ARHGAP42: variants seen among roughly 807,000 people sequenced by gnomAD.
The protein encoded by ARHGAP42 is rho GTPase-activating protein 42.
In ARHGAP42, 63 loss-of-function variants were observed where a neutral mutation model predicts 125.0. The observed-to-expected ratio is 0.50, with a 90% CI of 0.41 to 0.62. The LOEUF (loss-of-function observed/expected upper bound fraction) is 0.62. Among genes scored for constraint, ARHGAP42 ranks in the 20% least tolerant of loss-of-function variants. ARHGAP42 has a pLI of 0.00. For missense variants in ARHGAP42, 766 were observed against 1,024.2 expected, an observed-to-expected ratio of 0.75 and a Z score of 3.44; for synonymous variants, 339 against 351.0, an observed-to-expected ratio of 0.97 and a Z score of 0.38.
chr11:100,789,202 T>C (rs1014604071), intron 2 of ARHGAP42, among the ~76,000 whole-genome samples: 1 of 152,278 alleles, frequency 6.6e-6, no homozygotes, highest in Non-Finnish European at 1.5e-5. Flanking sequence ...GTAAGGTTAT[T>C]GTTGGGGCAT....
chr11:100,796,093 G>T (rs1317256357), intron 3 of ARHGAP42, among the ~76,000 whole-genome samples: 2 of 152,068 alleles, frequency 1.3e-5, no homozygotes, highest in African/African-American at 4.8e-5. Flanking sequence ...TTGGTAACCT[G>T]CATTGAGCAA....
intron 1 of ARHGAP42, among the ~76,000 whole-genome samples, chr11:100,755,243 C>G (rs1213945509): frequency 3.3e-5 from 5 of 152,190 alleles, no homozygotes; most frequent in Non-Finnish European, 7.3e-5. Flanking sequence ...CCCATCCCCA[C>G]CACAGACCTC....
intron 4 of ARHGAP42, among the ~76,000 whole-genome samples, chr11:100,884,053 C>A (rs190325893): frequency 1.3e-4 from 20 of 152,284 alleles, no homozygotes; most frequent in Non-Finnish European, 1.9e-4. Context: ...TAGAATAAGA[C>A]CGCACACAGT....
intron 4 of ARHGAP42, among the ~76,000 whole-genome samples, chr11:100,871,016 CT>C (rs1865682954): frequency 6.6e-6 from 1 of 150,458 alleles, no homozygotes; most frequent in Non-Finnish European, 1.5e-5. Flanking sequence ...ATAATCTATT[CT>C]TTGGTACTGT....
At chr11:100,885,130 AC>A (rs1313813634) in intron 4 of ARHGAP42, among the ~76,000 whole-genome samples, 1 of 152,108 alleles carries the variant, frequency 6.6e-6, no homozygotes, top group African/African-American at 2.4e-5. Context: ...TTCCGATCTG[AC>A]CCCAAAGCCC....
chr11:100,743,036 C>A (rs1046856982), intron 1 of ARHGAP42, among the ~76,000 whole-genome samples: 1 of 151,414 alleles, frequency 6.6e-6, no homozygotes, highest in Non-Finnish European at 1.5e-5. Context: ...TAATCTATAT[C>A]TTTTAAGTGG....
intron 23 of ARHGAP42, among the ~76,000 whole-genome samples, chr11:100,988,500 CA>C (rs991465111): frequency 2.6e-5 from 4 of 152,052 alleles, no homozygotes; most frequent in Non-Finnish European, 4.4e-5. Flanking sequence ...TTAAAGCATA[CA>C]GGGGGATGTC....
chr11:100,951,494 A>C (rs77025727), intron 12 of ARHGAP42, among the ~76,000 whole-genome samples: 7,544 of 152,250 alleles, frequency 0.05, 330 homozygotes, highest in East Asian at 0.25. Context: ...GTTGATATGC[A>C]CTATAAGGTT....
intron 1 of ARHGAP42, among the ~76,000 whole-genome samples, chr11:100,726,476 T>G (rs1467727270): frequency 6.6e-6 from 1 of 152,224 alleles, no homozygotes; most frequent in Non-Finnish European, 1.5e-5. Flanking sequence ...CATATAATTG[T>G]TTTGAATTAA....
chr11:100,815,710 A>G (rs1483431068), intron 3 of ARHGAP42, among the ~76,000 whole-genome samples: 1 of 152,216 alleles, frequency 6.6e-6, no homozygotes, highest in Non-Finnish European at 1.5e-5. Context: ...ACAGTGGAGT[A>G]GTATTAAGTA....
intron 4 of ARHGAP42, among the ~76,000 whole-genome samples, chr11:100,907,630 A>C (rs891123041): frequency 6.6e-6 from 1 of 152,180 alleles, no homozygotes; most frequent in Non-Finnish European, 1.5e-5. Context: ...GAGCTTCTGG[A>C]TGCCAAGATC....
chr11:100,812,886 C>T (rs1348067638), intron 3 of ARHGAP42, among the ~76,000 whole-genome samples: 2 of 152,164 alleles, frequency 1.3e-5, no homozygotes, highest in African/African-American at 4.8e-5. Context: ...GGTCTTTCAG[C>T]AGAAGTGTGA....
chr11:100,943,658 A>G (rs1447406195), intron 9 of ARHGAP42, 101 bp from the exon 10 acceptor site: 4 of 764,582 alleles, frequency 5.2e-6, no homozygotes, highest in South Asian at 2.0e-5. Flanking sequence ...TACATAACCT[A>G]TACTGTTAAA....
chr11:100,715,954 A>G (rs375472380), intron 1 of ARHGAP42, among the ~76,000 whole-genome samples: 11 of 152,350 alleles, frequency 7.2e-5, no homozygotes, highest in African/African-American at 2.4e-4. Context: ...TTCGAGGGAG[A>G]TATCTACTGA....
intron 1 of ARHGAP42, among the ~76,000 whole-genome samples, chr11:100,714,421 G>GTA (rs747986818): frequency 7.0e-6 from 1 of 143,516 alleles, no homozygotes; most frequent in African/African-American, 2.6e-5. Flanking sequence ...GTGTGTGTGT[G>GTA]TATTTGAGAT....
intron 1 of ARHGAP42, among the ~76,000 whole-genome samples, chr11:100,719,664 T>TTG (rs142657423): frequency 1.3e-4 from 20 of 151,658 alleles, no homozygotes; most frequent in African/African-American, 3.9e-4. Flanking sequence ...TTTTCTTTTA[T>TTG]TGTGTGTGTG....
chr11:100,866,411 C>G (rs1258872089), intron 4 of ARHGAP42, among the ~76,000 whole-genome samples: 1 of 152,136 alleles, frequency 6.6e-6, no homozygotes, highest in Non-Finnish European at 1.5e-5. Flanking sequence ...TTCAATTTAC[C>G]TTGCCTAGAT....
intron 3 of ARHGAP42, among the ~76,000 whole-genome samples, chr11:100,807,633 C>G (rs1342237064): frequency 6.6e-6 from 1 of 152,182 alleles, no homozygotes; most frequent in African/African-American, 2.4e-5. Context: ...TTGGGGCTTG[C>G]AGCTCATTGT....
At chr11:100,835,617 C>T (rs1316391965) in intron 3 of ARHGAP42, among the ~76,000 whole-genome samples, 2 of 152,090 alleles carry the variant, frequency 1.3e-5, no homozygotes, top group African/African-American at 4.8e-5. Flanking sequence ...CACATCGTAA[C>T]TATATTATTT....
Sources: gnomAD v4.1 joint callset for allele counts (sites outside exome capture counted in the v4.1 genomes callset) on GRCh38, gnomAD v4.1.1 for gene constraint, MANE v1.5 for transcripts, NCBI Gene and HGNC (gene_info 2026-07-23, HGNC 2026-07-21) for gene names.